Variants in SETBP1 observed in about 807,000 individuals in gnomAD.
The protein encoded by SETBP1 is SET binding protein 1.
A neutral mutation model predicts 101.0 loss-of-function variants in SETBP1; 9 were observed. The observed-to-expected ratio is 0.09, with a 90% CI of 0.05 to 0.16. The LOEUF is 0.16. SETBP1 is among the 10% of genes least tolerant of loss of function. The pLI is 1.00. For synonymous variants in SETBP1, 818 were observed against 788.5 expected, an observed-to-expected ratio of 1.04 and a Z score of -0.63; for missense variants, 1,858 against 2,033.8, an observed-to-expected ratio of 0.91 and a Z score of 1.66.
chr18:44,803,878 A>G (rs2071666832), intron 2 of SETBP1, among the ~76,000 whole-genome samples: 1 of 151,856 alleles, frequency 6.6e-6, no homozygotes, highest in Admixed American at 6.6e-5. Context: ...AGACAATTGA[A>G]TATTTTTTCA....
chr18:44,765,411 G>C (rs188413923), intron 2 of SETBP1, among the ~76,000 whole-genome samples: 1 of 152,168 alleles, frequency 6.6e-6, no homozygotes, highest in Non-Finnish European at 1.5e-5. Context: ...CATTTTGTGG[G>C]TGGATATGAA....
chr18:44,876,665 C>T (rs1391155167), intron 3 of SETBP1: 2 of 1,550,742 alleles, frequency 1.3e-6, no homozygotes, highest in Non-Finnish European at 1.7e-6. Context: ...ATGTGCTTCT[C>T]ATGCCCCCGG....
At chr18:44,944,639 A>G (rs190485623) in intron 3 of SETBP1, among the ~76,000 whole-genome samples, 1 of 152,342 alleles carries the variant, frequency 6.6e-6, no homozygotes, top group East Asian at 1.9e-4. Context: ...TCATTGCTCC[A>G]TACCCAGGCA....
intron 4 of SETBP1, among the ~76,000 whole-genome samples, chr18:45,007,766 G>A (rs749169393): frequency 5.9e-5 from 9 of 152,140 alleles, no homozygotes; most frequent in Non-Finnish European, 1.2e-4. Context: ...CTTTGTGAAG[G>A]CCAAACCATT....
At chr18:44,958,706 G>A (rs1820521263) in intron 4 of SETBP1, among the ~76,000 whole-genome samples, 1 of 152,102 alleles carries the variant, frequency 6.6e-6, no homozygotes, top group African/African-American at 2.4e-5. Flanking sequence ...TGAGTCATGG[G>A]AGAGATGTTA....
At chr18:44,731,441 T>C (rs1286465176) in intron 2 of SETBP1, among the ~76,000 whole-genome samples, 1 of 152,146 alleles carries the variant, frequency 6.6e-6, no homozygotes, top group Non-Finnish European at 1.5e-5. Context: ...TTGTCTACTG[T>C]CTGGAAGAGC....
chr18:44,757,382 A>G (rs772082676), intron 2 of SETBP1, among the ~76,000 whole-genome samples: 31 of 152,220 alleles, frequency 2.0e-4, no homozygotes, highest in Non-Finnish European at 4.4e-4. Flanking sequence ...CAAGCATGGC[A>G]TTCTGTAGAG....
intron 2 of SETBP1, among the ~76,000 whole-genome samples, chr18:44,763,481 G>C (rs1323337311): frequency 1.3e-5 from 2 of 152,198 alleles, no homozygotes; most frequent in Non-Finnish European, 2.9e-5. Context: ...TGCGTGTCTG[G>C]TGAAAGGAAG....
chr18:45,021,971 T>G (rs764073496), intron 4 of SETBP1, among the ~76,000 whole-genome samples: 1 of 152,182 alleles, frequency 6.6e-6, no homozygotes, highest in Non-Finnish European at 1.5e-5. Context: ...GTCGGAATTA[T>G]GTACAGTAGG....
chr18:44,684,652 A>G (rs1245915974), intron 1 of SETBP1, among the ~76,000 whole-genome samples: 3 of 147,778 alleles, frequency 2.0e-5, no homozygotes, highest in Non-Finnish European at 3.0e-5. Context: ...ATAATTAATT[A>G]ATTAATTTTT....
At chr18:44,858,020 G>A (rs377323979) in intron 2 of SETBP1, among the ~76,000 whole-genome samples, 1 of 152,228 alleles carries the variant, frequency 6.6e-6, no homozygotes, top group South Asian at 2.1e-4. Context: ...AGTTTCTGGC[G>A]ACACAGCTGC....
intron 4 of SETBP1, among the ~76,000 whole-genome samples, chr18:44,973,826 A>G (rs2071923794): frequency 6.6e-6 from 1 of 152,172 alleles, no homozygotes; most frequent in Non-Finnish European, 1.5e-5. Context: ...CACGCCACAC[A>G]GAGGAGTTGG....
At chr18:44,885,673 C>G (rs1327998900) in intron 3 of SETBP1, among the ~76,000 whole-genome samples, 1 of 151,570 alleles carries the variant, frequency 6.6e-6, no homozygotes, top group Non-Finnish European at 1.5e-5. Context: ...TAACCTTAGA[C>G]CTCGGAAAGT....
chr18:45,058,982 G>T (rs1007643457), intron 5 of SETBP1, among the ~76,000 whole-genome samples: 1 of 152,142 alleles, frequency 6.6e-6, no homozygotes, highest in East Asian at 1.9e-4. Context: ...AAATATTTAG[G>T]TGAAATAAAG....
chr18:44,758,583 T>C (rs2070559466), intron 2 of SETBP1, among the ~76,000 whole-genome samples: 1 of 151,794 alleles, frequency 6.6e-6, no homozygotes, highest in African/African-American at 2.4e-5. Flanking sequence ...GGGGTTTCAC[T>C]GTGTTAGCCA....
chr18:44,681,762 A>G (rs2068764067), intron 1 of SETBP1, among the ~76,000 whole-genome samples: 1 of 152,108 alleles, frequency 6.6e-6, no homozygotes, highest in South Asian at 2.1e-4. Context: ...GTATCTGTCT[A>G]AAAGGACTGT....
At chr18:44,947,679 T>C (rs1319091398) in intron 3 of SETBP1, among the ~76,000 whole-genome samples, 1 of 152,064 alleles carries the variant, frequency 6.6e-6, no homozygotes, top group African/African-American at 2.4e-5. Context: ...GCTAATTTTG[T>C]ATTTTTAGTA....
chr18:44,848,416 G>A (rs960748828), intron 2 of SETBP1, among the ~76,000 whole-genome samples: 2 of 152,210 alleles, frequency 1.3e-5, no homozygotes, highest in Non-Finnish European at 2.9e-5. Flanking sequence ...GAAGTGGCCT[G>A]CAGAAAAGCT....
intron 3 of SETBP1, chr18:44,876,660 C>CTT: frequency 1.3e-6 from 2 of 1,551,266 alleles, no homozygotes. Context: ...GTGCCATGTG[C>CTT]TTCTCATGCC....
Sources: gnomAD v4.1 joint callset for allele counts (sites outside exome capture counted in the v4.1 genomes callset) on GRCh38, gnomAD v4.1.1 for gene constraint, MANE v1.5 for transcripts, NCBI Gene and HGNC (gene_info 2026-07-23, HGNC 2026-07-21) for gene names.